The following PDGFRB variants were observed in gnomAD, a reference collection of about 807,000 sequenced individuals.
PDGFRB encodes the protein platelet-derived growth factor receptor beta.
PDGFRB carries 42 observed loss-of-function variants against 120.2 expected under a neutral mutation model. That is an observed-to-expected ratio of 0.35 (90% CI 0.27 to 0.45). PDGFRB has a LOEUF of 0.45. Among genes scored for constraint, PDGFRB ranks in the 20% least tolerant of loss-of-function variants. The probability of loss-of-function intolerance (pLI) is 1.00; values close to 1 mark genes in which losing one functional copy is unlikely to be tolerated. For synonymous variants in PDGFRB, 586 were observed against 606.8 expected (o/e 0.97, Z 0.50); for missense variants, 1,149 against 1,476.3 (o/e 0.78, Z 3.63).
intron 1 of PDGFRB, among the ~76,000 whole-genome samples, chr5:150,148,648 G>A (rs1034046946): frequency 6.6e-6 from 1 of 152,242 alleles, no homozygotes; most frequent in Admixed American, 6.5e-5. Context: ...ACTTATCTGA[G>A]TCCCAATTTC....
chr5:150,119,668 G>T (rs750687601), intron 19 of PDGFRB, 102 bp from the exon 20 acceptor site: 4 of 760,574 alleles, frequency 5.3e-6, no homozygotes, highest in African/African-American at 1.7e-5. Context: ...CCCTGGTATG[G>T]GTAAGGGGGC....
At position 150,117,729 on chromosome 5, in the gene PDGFRB, T is replaced by C. The variant is rs148183775; in HGVS notation, c.3026A>G (p.Tyr1009Cys). ...ACCCTCATTGGGCTGCACGGCAGTA[T>C]AGAGGACGGAGCTGGTGTCCAGGGG... ...RSPLDTSSVLYTAVQPNEGDN... is the reference protein window; with the variant it reads ...RSPLDTSSVLCTAVQPNEGDN... Residue 1009 changes from tyrosine to cysteine, a missense_variant, in exon 22 of 23, where the codon TAT (tyrosine) becomes TGT (cysteine). Physicochemically the swap from Tyr to Cys is radical, Grantham distance 194. Coordinates refer to ENST00000261799, the MANE Select transcript of PDGFRB (RefSeq NM_002609.4). 3.0e-5 allele frequency: 48 copies of C among 1,613,320 alleles called. No individual in the cohort carries two copies. The African/African-American group carries it at 3.9e-4, about 13-fold the overall frequency.
chr5:150,133,043 G>T (rs73796323), intron 6 of PDGFRB, 101 bp from the exon 7 acceptor site: 1 of 818,642 alleles, frequency 1.2e-6, no homozygotes, highest in South Asian at 1.8e-5. Context: ...CCTGGGGACC[G>T]TGCCAGCCAT....
At chr5:150,138,668 C>T (rs576188721) in intron 1 of PDGFRB, among the ~76,000 whole-genome samples, 1 of 152,356 alleles carries the variant, frequency 6.6e-6, no homozygotes, top group East Asian at 1.9e-4. Context: ...CCAGCCTCTG[C>T]TCCCCACCAT....
chr5:150,117,570 A>ACG (rs768446413), intron 22 of PDGFRB, 48 bp downstream of exon 22: 1 of 1,024,516 alleles, frequency 9.8e-7, no homozygotes, highest in Non-Finnish European at 1.5e-6. Context: ...ACACACACAC[A>ACG]CACACACACT....
intron 13 of PDGFRB, 120 bp from the exon 14 acceptor site, chr5:150,124,480 C>T (rs898867486): frequency 2.7e-6 from 2 of 727,432 alleles, no homozygotes; most frequent in African/African-American, 1.8e-5. Flanking sequence ...GGCAGCCTGG[C>T]GGGGGTGAGC....
intron 1 of PDGFRB, among the ~76,000 whole-genome samples, chr5:150,138,748 G>A (rs1194007998): frequency 6.6e-6 from 1 of 152,210 alleles, no homozygotes; most frequent in African/African-American, 2.4e-5. Context: ...CCAAGGCGGA[G>A]CCAGCAGCCC....
intron 1 of PDGFRB, among the ~76,000 whole-genome samples, chr5:150,150,612 A>AGGGGGC (rs1761050827): frequency 2.4e-5 from 2 of 83,588 alleles, no homozygotes; most frequent in Non-Finnish European, 5.1e-5. Flanking sequence ...TGGTGGATGT[A>AGGGGGC]GGGGGCGGGG....
rs1554107217 is a variant in PDGFRB at position 150,117,578 on chromosome 5, ACT to A, written c.3137+38_3137+39del. 5.2e-5 allele frequency: 56 copies of A among 1,071,260 alleles called. No homozygotes were observed. In the African/African-American group the frequency reaches 7.8e-4, roughly 15 times the overall value. 66.4% of individuals were successfully genotyped at this position (1,071,260 alleles called of 1,614,324 possible). ...CACACACACACACACACACACACAC[ACT>A]GTGCACAATTTCCTTGGCCCCAGGC... On this transcript the variant is annotated intron_variant, in intron 22 of 22. Coordinates refer to ENST00000261799, the MANE Select transcript of PDGFRB (RefSeq NM_002609.4).
At chr5:150,122,919 C>A (rs1760182884) in intron 15 of PDGFRB, 123 bp downstream of exon 15, 17 of 843,062 alleles carry the variant, frequency 2.0e-5, no homozygotes, top group Non-Finnish European at 3.2e-5. Context: ...AGCCCTAGCT[C>A]CAGGAGTGAT....
At chr5:150,155,334 G>C (rs1288260291) in intron 1 of PDGFRB, 63 bp downstream of exon 1, 3 of 244,890 alleles carry the variant, frequency 1.2e-5, no homozygotes, top group Non-Finnish European at 2.2e-5. Flanking sequence ...TACTCGAAGA[G>C]ATGCAGGTTA....
At chr5:150,117,579 C>CACACAG in intron 22 of PDGFRB, 39 bp downstream of exon 22, 1 of 1,081,086 alleles carries the variant, frequency 9.2e-7, no homozygotes, top group Non-Finnish European at 1.4e-6. Context: ...CACACACACA[C>CACACAG]TGTGCACAAT....
chr5:150,115,583 T>C lies in PDGFRB; in HGVS notation c.*180A>G, dbSNP rs1407105342. On this transcript the variant is annotated 3_prime_UTR_variant, in exon 23 of 23. Transcript: ENST00000261799. ...GGGCTGGTCACGGCCCCTGCAGTTT[T>C]CTTGCCTCCTAAGCCAGCCCCAGGG... 2 of 512,278 alleles carry C rather than the reference T, an allele frequency of 3.9e-6. No homozygotes were observed. The highest frequency in any genetic ancestry group is 6.5e-6 in the Non-Finnish European group (2 of 308,642). The allele number at this position is 512,278 out of a possible 1,614,324, so 31.7% of individuals were successfully genotyped here. A position where few individuals can be genotyped will look rare whatever the true frequency, so the allele number is the denominator to read the frequency against.
chr5:150,132,552 G>A lies in PDGFRB; in HGVS notation c.1127+198C>T, dbSNP rs867288916. ...TAAACATCTGGGTGATCATCTGACCGGCGACTGTTTCCTCCACTAGACTAG... is the reference window on the plus strand; with the variant it reads ...TAAACATCTGGGTGATCATCTGACCAGCGACTGTTTCCTCCACTAGACTAG... On this transcript the variant is annotated intron_variant, in intron 7 of 22. Coordinates refer to ENST00000261799, the MANE Select transcript of PDGFRB (RefSeq NM_002609.4). This position sits in a 1 kb window ranked among gnomAD's most constrained non-coding sequence, Gnocchi z 5.0. Among the ~76,000 whole-genome samples, 5 of 152,192 alleles carry A rather than the reference G, an allele frequency of 3.3e-5. No individual in the cohort carries two copies. The highest frequency in any genetic ancestry group is 2.1e-4 in the South Asian group (1 of 4,832).
chr5:150,119,142 T>C, intron 20 of PDGFRB, among the ~76,000 whole-genome samples: 1 of 152,224 alleles, frequency 6.6e-6, no homozygotes, highest in East Asian at 1.9e-4. Context: ...TGGTTCTTGA[T>C]GGCATGTGAC....
At chr5:150,137,323 ACTCT>A in intron 1 of PDGFRB, 1 of 414,388 alleles carries the variant, frequency 2.4e-6, no homozygotes, top group Non-Finnish European at 4.3e-6. Context: ...GCGTCCCCAG[ACTCT>A]CTCTGTGCCT....
chr5:150,137,720 C>G (rs1760674639), intron 1 of PDGFRB, among the ~76,000 whole-genome samples: 1 of 152,196 alleles, frequency 6.6e-6, no homozygotes, highest in South Asian at 2.1e-4. Flanking sequence ...CCAGGCCTCA[C>G]AGGTCCTTGG....
chr5:150,121,236 C>G lies in PDGFRB; in HGVS notation c.2431G>C (p.Ala811Pro), dbSNP rs781051087. 6.3e-7 allele frequency: 1 copy of G among 1,598,558 alleles called. No individual in the cohort carries two copies. ...GAGGCCAGAAACTCCATGCCATTGG[C>G]CACCTGGTAGCTGAAGCCCACGAGG... is the stretch of plus-strand genomic sequence containing the variant. ...MDLVGFSYQV[A>P]NGMEFLASKN... The change falls in exon 17 of 23, where the codon GCC becomes CCC. Residue 811 changes from alanine to proline, a missense_variant. Around this residue, in one of 3 missense-constraint regions of PDGFRB, gnomAD observed 879 missense variants for 1,108.6 expected, o/e 0.79. Transcript: ENST00000261799. The surrounding 1 kb of genome is among the most constrained non-coding windows in gnomAD (Gnocchi z 4.1).
At position 150,120,919 on chromosome 5, in the gene PDGFRB, A is replaced by G; in HGVS notation, c.2555T>C (p.Met852Thr). Residue 852 changes from methionine to threonine, a missense_variant, in exon 18 of 23, where the codon ATG (methionine) becomes ACG (threonine). By Grantham distance (81) the Met-to-Thr change is moderately conservative. Coordinates refer to ENST00000261799, the MANE Select transcript of PDGFRB (RefSeq NM_002609.4). This position sits in a 1 kb window ranked among gnomAD's most constrained non-coding sequence, Gnocchi z 4.3. Reference protein sequence around the residue: ...ICDFGLARDIMRDSNYISKGS... With the variant: ...ICDFGLARDITRDSNYISKGS... Reference sequence around the variant, plus strand: ...TTTGGAGATGTAATTCGAGTCCCGCATGATGTCTCGAGCCAGGCCAAAGTC... The same window carrying G: ...TTTGGAGATGTAATTCGAGTCCCGCGTGATGTCTCGAGCCAGGCCAAAGTC... The G allele has an allele frequency of 6.2e-7, 1 of 1,613,934 alleles. No individual in the cohort carries two copies. Among genetic ancestry groups the G allele is most frequent in the African/African-American group, 1.3e-5 (1 of 74,992 alleles).
Sources: allele counts gnomAD v4.1 joint callset (sites outside exome capture counted in the v4.1 genomes callset), GRCh38; gene constraint gnomAD v4.1.1; regional missense constraint gnomAD v4.1.1; non-coding constraint Gnocchi (gnomAD v3.1); transcripts MANE v1.5; gene names NCBI Gene and HGNC (gene_info 2026-07-23, HGNC 2026-07-21).